The following STXBP6 variants were observed in gnomAD, a reference collection of about 807,000 sequenced individuals.
STXBP6 encodes syntaxin-binding protein 6.
Under a neutral mutation model 26.9 loss-of-function variants are expected in STXBP6, and 21 were observed. The observed-to-expected ratio is 0.78, with a 90% CI of 0.55 to 1.12. The LOEUF (loss-of-function observed/expected upper bound fraction) is 1.12. STXBP6 is among the 50% of genes most tolerant of loss of function. The pLI is 0.00. For synonymous variants in STXBP6, 97 were observed against 92.6 expected, an observed-to-expected ratio of 1.05 and a Z score of -0.27; for missense variants, 232 against 257.9, an observed-to-expected ratio of 0.90 and a Z score of 0.69.
Position 24,812,676 on chromosome 14 carries a change from C to A in STXBP6, c.*33G>T. On this transcript the variant is annotated 3_prime_UTR_variant, in exon 6 of 6. Coordinates refer to ENST00000323944, the MANE Select transcript of STXBP6 (RefSeq NM_001394410.1). ...AACTGCTGAACAAACTCTTCAGTTT[C>A]TCTTAAGAAGAGTCACCAGGATAGG... is the stretch of plus-strand genomic sequence containing the variant. 1.2e-6 allele frequency: 2 copies of A among 1,609,656 alleles called. No homozygotes were observed. The highest frequency in any genetic ancestry group is 1.7e-6 in the Non-Finnish European group (2 of 1,176,060).
At chr14:24,881,091 T>A (rs376051269) in intron 2 of STXBP6, among the ~76,000 whole-genome samples, 62 of 152,256 alleles carry the variant, frequency 4.1e-4, no homozygotes, top group African/African-American at 1.4e-3. Flanking sequence ...TTACCTCCAG[T>A]GAGCTGTCCA....
intron 4 of STXBP6, among the ~76,000 whole-genome samples, chr14:24,823,805 A>G (rs1363981413): frequency 1.3e-5 from 2 of 152,206 alleles, no homozygotes. Context: ...AATTTTGGGA[A>G]AATATAAATG....
At chr14:24,911,987 G>C (rs1256197133) in intron 2 of STXBP6, among the ~76,000 whole-genome samples, 1 of 152,164 alleles carries the variant, frequency 6.6e-6, no homozygotes, top group South Asian at 2.1e-4. Context: ...AAGACAGCAA[G>C]TGTGGTATTT....
intron 1 of STXBP6, among the ~76,000 whole-genome samples, chr14:24,995,944 G>A (rs2074590408): frequency 6.6e-6 from 1 of 151,980 alleles, no homozygotes; most frequent in South Asian, 2.1e-4. Flanking sequence ...TCTGAACACT[G>A]CTTTCAGAAC....
At chr14:24,881,336 A>G (rs1306160513) in intron 2 of STXBP6, among the ~76,000 whole-genome samples, 1 of 152,110 alleles carries the variant, frequency 6.6e-6, no homozygotes, top group Non-Finnish European at 1.5e-5. Flanking sequence ...ACATTGGAAT[A>G]CTCTTTAAAT....
chr14:24,927,936 C>A (rs9323572), intron 2 of STXBP6, among the ~76,000 whole-genome samples: 4 of 151,828 alleles, frequency 2.6e-5, no homozygotes, highest in Admixed American at 1.3e-4. Flanking sequence ...CTTAGTTTAC[C>A]ACACAGACAG....
intron 2 of STXBP6, among the ~76,000 whole-genome samples, chr14:24,857,650 G>C (rs1204999300): frequency 6.6e-6 from 1 of 151,856 alleles, no homozygotes; most frequent in Non-Finnish European, 1.5e-5. Flanking sequence ...CTTCAGTGAT[G>C]AGGAGTAATC....
intron 2 of STXBP6, among the ~76,000 whole-genome samples, chr14:24,870,856 A>G (rs1037155123): frequency 1.3e-5 from 2 of 152,188 alleles, no homozygotes; most frequent in Non-Finnish European, 2.9e-5. Flanking sequence ...ATGGTTTAAA[A>G]ATGCATCACA....
intron 1 of STXBP6, among the ~76,000 whole-genome samples, chr14:25,041,172 A>C: frequency 6.6e-6 from 1 of 151,966 alleles, no homozygotes; most frequent in East Asian, 1.9e-4. Flanking sequence ...AATACAAAAA[A>C]TTAGTGGGCA....
intron 2 of STXBP6, among the ~76,000 whole-genome samples, chr14:24,938,504 A>C (rs536957860): frequency 6.6e-6 from 1 of 151,758 alleles, no homozygotes; most frequent in Non-Finnish European, 1.5e-5. Context: ...TCTAAGGCTT[A>C]TAAAATCAAA....
chr14:24,919,621 G>A (rs78832138), intron 2 of STXBP6, among the ~76,000 whole-genome samples: 4,843 of 151,444 alleles, frequency 0.032, 198 homozygotes, highest in African/African-American at 0.1. Context: ...GTTATTTTGC[G>A]CTACAACAAT....
chr14:24,951,252 C>A (rs2073160222), intron 2 of STXBP6, among the ~76,000 whole-genome samples: 1 of 152,140 alleles, frequency 6.6e-6, no homozygotes, highest in Admixed American at 6.5e-5. Context: ...TGGGTATATA[C>A]CCAGTAATGG....
At chr14:24,839,118 G>A (rs2068712363) in intron 4 of STXBP6, among the ~76,000 whole-genome samples, 1 of 152,174 alleles carries the variant, frequency 6.6e-6, no homozygotes, top group African/African-American at 2.4e-5. Flanking sequence ...CTGTGATTGT[G>A]AGTGAAAGTT....
chr14:24,912,863 A>G (rs1359913911), intron 2 of STXBP6, among the ~76,000 whole-genome samples: 1 of 152,188 alleles, frequency 6.6e-6, no homozygotes, highest in Non-Finnish European at 1.5e-5. Context: ...CTAGCAATTT[A>G]TTTTTATCCT....
In STXBP6 at chr14:24,891,344, G is replaced by T. The variant is rs188618807; in HGVS notation, c.155-34187C>A. Among the ~76,000 whole-genome samples the T allele has an allele frequency of 2.4e-3, 371 of 152,244 alleles. 2 individuals are homozygous for T. The highest frequency in any genetic ancestry group is 3.9e-3 in the South Asian group (19 of 4,822). ...TCTCCACAGTGCTGCTCCCTCTGAAGGATAAATAGGGGTTACCTATGCCTT... is the reference window on the plus strand; with the variant it reads ...TCTCCACAGTGCTGCTCCCTCTGAATGATAAATAGGGGTTACCTATGCCTT... On this transcript the variant is annotated intron_variant, in intron 2 of 5. Transcript: ENST00000323944.
intron 2 of STXBP6, among the ~76,000 whole-genome samples, chr14:24,892,226 GGTCA>G (rs796738315): frequency 4.0e-5 from 6 of 151,390 alleles, no homozygotes; most frequent in African/African-American, 1.5e-4. Context: ...AAAGGAAAGA[GGTCA>G]GTAGAGAGAA....
intron 2 of STXBP6, among the ~76,000 whole-genome samples, chr14:24,883,232 T>C (rs998955999): frequency 1.3e-5 from 2 of 152,190 alleles, no homozygotes; most frequent in African/African-American, 2.4e-5. Context: ...TTCTCAAGTA[T>C]AGAAATACTG....
intron 2 of STXBP6, among the ~76,000 whole-genome samples, chr14:24,971,197 TAACTCTGATCATA>T (rs2073896118): frequency 1.3e-5 from 2 of 152,174 alleles, no homozygotes; most frequent in Non-Finnish European, 2.9e-5. Context: ...CACAGACCTC[TAACTCTGATCATA>T]AAATGTACTA....
intron 2 of STXBP6, among the ~76,000 whole-genome samples, chr14:24,876,662 C>A (rs542939122): frequency 6.6e-6 from 1 of 152,160 alleles, no homozygotes; most frequent in Non-Finnish European, 1.5e-5. Context: ...CCTTGAGATA[C>A]GCTATCCATT....
Sources: allele counts gnomAD v4.1 joint callset (sites outside exome capture counted in the v4.1 genomes callset), GRCh38; gene constraint gnomAD v4.1.1; transcripts MANE v1.5; gene names NCBI Gene and HGNC (gene_info 2026-07-23, HGNC 2026-07-21).